ITGB8: variants seen among roughly 807,000 people sequenced by gnomAD.
ITGB8 encodes integrin subunit beta 8.
In ITGB8, 30 loss-of-function variants were observed where a neutral mutation model predicts 89.5. The ratio of observed to expected loss-of-function variants is 0.34; its 90% CI spans 0.25 to 0.45. The LOEUF is 0.45. ITGB8 is among the 20% of genes least tolerant of loss of function. The probability of loss-of-function intolerance (pLI) is 1.00; values close to 1 mark genes in which losing one functional copy is unlikely to be tolerated. For missense variants in ITGB8, 836 were observed against 933.3 expected (o/e 0.90, Z 1.36); for synonymous variants, 335 against 320.4 (o/e 1.05, Z -0.49).
rs1787886977 is a variant in ITGB8 at position 20,415,131 on chromosome 7, T to G, written c.*5134T>G. The G allele has an allele frequency of 6.6e-6, 1 of 152,562 alleles. No homozygotes were observed. Among genetic ancestry groups the G allele is most frequent in the Non-Finnish European group, 1.5e-5 (1 of 67,960 alleles). The allele number at this position is 152,562 out of a possible 1,614,324, so 9.5% of individuals were successfully genotyped here. ...TGACAAGTATGGTACATAAATTTTA[T>G]TAAGAATATTGAGTATAAAGTACTT... On this transcript the variant is annotated 3_prime_UTR_variant, in exon 14 of 14. Transcript: ENST00000222573.
intron 12 of ITGB8, among the ~76,000 whole-genome samples, chr7:20,407,090 A>C (rs1029382608): frequency 8.5e-5 from 13 of 152,176 alleles, no homozygotes; most frequent in African/African-American, 3.1e-4. Context: ...TCTGTTACTG[A>C]AATGAGTTTA....
At chr7:20,374,973 C>T (rs1034896978) in intron 3 of ITGB8, among the ~76,000 whole-genome samples, 16 of 151,906 alleles carry the variant, frequency 1.1e-4, no homozygotes, top group Non-Finnish European at 2.9e-5. Flanking sequence ...ATAATCCAGG[C>T]AAAAAGACAA....
chr7:20,390,912 T>C (rs1786828016), intron 6 of ITGB8, among the ~76,000 whole-genome samples: 1 of 152,072 alleles, frequency 6.6e-6, no homozygotes, highest in African/African-American at 2.4e-5. Context: ...TATATAACTA[T>C]ATCATGTTAT....
chr7:20,396,471 T>A (rs184631356), intron 8 of ITGB8, among the ~76,000 whole-genome samples: 1 of 152,180 alleles, frequency 6.6e-6, no homozygotes, highest in Non-Finnish European at 1.5e-5. Flanking sequence ...TAAACTTTCA[T>A]CTTCTAAAAG....
At chr7:20,332,116 T>C (rs546479538) in intron 1 of ITGB8, 183 bp downstream of exon 1, 17 of 1,295,064 alleles carry the variant, frequency 1.3e-5, no homozygotes, top group Non-Finnish European at 1.5e-5. Context: ...CAAGCATTTC[T>C]GCCCTGGAGC....
chr7:20,354,830 T>C (rs989397299), intron 1 of ITGB8, among the ~76,000 whole-genome samples: 1 of 152,228 alleles, frequency 6.6e-6, no homozygotes, highest in Non-Finnish European at 1.5e-5. Context: ...TCATCATCAT[T>C]ACAAGAGAAG....
chr7:20,350,130 C>G (rs556504118), intron 1 of ITGB8, among the ~76,000 whole-genome samples: 1 of 152,152 alleles, frequency 6.6e-6, no homozygotes, highest in Admixed American at 6.5e-5. Flanking sequence ...AAAAACAATT[C>G]CCTGTATTGA....
chr7:20,397,943 C>G (rs769567099), intron 8 of ITGB8, among the ~76,000 whole-genome samples: 10 of 151,568 alleles, frequency 6.6e-5, no homozygotes, highest in Admixed American at 4.6e-4. Flanking sequence ...GCACATACTT[C>G]GTTTTTCCTT....
chr7:20,334,776 A>G (rs1784522265), intron 1 of ITGB8, among the ~76,000 whole-genome samples: 1 of 152,222 alleles, frequency 6.6e-6, no homozygotes, highest in East Asian at 1.9e-4. Context: ...ATTAAAAATC[A>G]TACATGTTTG....
At chr7:20,375,065 T>C (rs929516811) in intron 3 of ITGB8, among the ~76,000 whole-genome samples, 1 of 152,160 alleles carries the variant, frequency 6.6e-6, no homozygotes, top group Non-Finnish European at 1.5e-5. Flanking sequence ...TGATGAATAA[T>C]AGGTAAGGAA....
At chr7:20,367,367 C>T (rs1450566031) in intron 3 of ITGB8, among the ~76,000 whole-genome samples, 181 bp downstream of exon 3, 1 of 152,158 alleles carries the variant, frequency 6.6e-6, no homozygotes, top group Admixed American at 6.5e-5. Flanking sequence ...TGTGTGTCTT[C>T]GGACACTGCA....
chr7:20,404,241 A>G (rs368615849), intron 10 of ITGB8, among the ~76,000 whole-genome samples: 3 of 152,252 alleles, frequency 2.0e-5, no homozygotes, highest in South Asian at 4.1e-4. Context: ...GATGGAAGCC[A>G]TATCAAATAC....
chr7:20,398,942 G>A lies in ITGB8; in HGVS notation c.1229G>A (p.Gly410Glu), dbSNP rs1787197414. The stretch of plus-strand genomic sequence containing the variant: ...AACATTACCGCCATCTGTCCAGATG[G>A]GTCCAGAAAGCCAGGCATGGAAGGA... ...YFNITAICPD[G>E]SRKPGMEGCR... The change falls in exon 9 of 14, where the codon GGG becomes GAG. Residue 410 changes from glycine to glutamate, a missense_variant. Gly to Glu is a moderately conservative substitution (Grantham distance 98, BLOSUM62 -2). Transcript: ENST00000222573. The A allele has an allele frequency of 6.2e-6, 10 of 1,613,460 alleles. No individual in the cohort carries two copies. The highest frequency in any genetic ancestry group is 7.6e-6 in the Non-Finnish European group (9 of 1,179,744).
At chr7:20,409,366 T>C (rs1286997667) in intron 12 of ITGB8, among the ~76,000 whole-genome samples, 6 of 152,244 alleles carry the variant, frequency 3.9e-5, no homozygotes, top group Non-Finnish European at 7.3e-5. Context: ...AATAATGTGA[T>C]TGAATACCTT....
intron 1 of ITGB8, among the ~76,000 whole-genome samples, chr7:20,332,606 G>A (rs1436910633): frequency 1.3e-5 from 2 of 152,166 alleles, no homozygotes; most frequent in East Asian, 3.8e-4. Context: ...CAAACCATTT[G>A]TGTAAGAGCT....
intron 1 of ITGB8, among the ~76,000 whole-genome samples, chr7:20,347,184 T>G (rs910989126): frequency 2.6e-5 from 4 of 152,252 alleles, no homozygotes; most frequent in Admixed American, 2.0e-4. Context: ...AAATAAATTC[T>G]GTTATTTGTA....
chr7:20,330,596 A>AAAAAAAAGAGCCGGAGTGAGC (rs1784341389), upstream of ITGB8: 1 of 152,248 alleles, frequency 6.6e-6, no homozygotes, highest in Non-Finnish European at 1.5e-5. Context: ...GCCAAGGGGG[A>AAAAAAAAGAGCCGGAGTGAGC]AAAGAAAGAG....
At chr7:20,349,746 G>C (rs1434807653) in intron 1 of ITGB8, among the ~76,000 whole-genome samples, 1 of 152,148 alleles carries the variant, frequency 6.6e-6, no homozygotes, top group Non-Finnish European at 1.5e-5. Flanking sequence ...AAAAATCATA[G>C]TTTAATGTTT....
At position 20,386,243 on chromosome 7, in the gene ITGB8, A is replaced by ATTTTT. The variant is rs3032551; in HGVS notation, c.960+4367_960+4371dup. Among the ~76,000 whole-genome samples the ATTTTT allele has an allele frequency of 2.1e-3, 305 of 144,840 alleles. 3 individuals are homozygous for ATTTTT. Among genetic ancestry groups the ATTTTT allele is most frequent in the Non-Finnish European group, 2.8e-3 (184 of 66,576 alleles). ...TTCAAATTGTAAACACTATGAGAAC[A>ATTTTT]TTTTTTTTTTTTTGAGACGGAATCT... On this transcript the variant is annotated intron_variant, in intron 6 of 13. Transcript: ENST00000222573.
Sources: gnomAD v4.1 joint callset for allele counts (sites outside exome capture counted in the v4.1 genomes callset) on GRCh38, gnomAD v4.1.1 for gene constraint, MANE v1.5 for transcripts, NCBI Gene and HGNC (gene_info 2026-07-23, HGNC 2026-07-21) for gene names.